Variants in PLEKHG1 observed in about 807,000 individuals in gnomAD.
PLEKHG1 encodes pleckstrin homology domain-containing family G member 1.
Under a neutral mutation model 100.8 loss-of-function variants are expected in PLEKHG1, and 44 were observed. The observed-to-expected ratio is 0.44, with a 90% CI of 0.34 to 0.56. The LOEUF is 0.56. Ranked by LOEUF, PLEKHG1 falls within the 20% of genes least tolerant of loss-of-function variation. PLEKHG1 has a pLI of 0.01. For synonymous variants in PLEKHG1, 640 were observed against 662.5 expected (o/e 0.97, Z 0.52); for missense variants, 1,545 against 1,720.9 (o/e 0.90, Z 1.81).
At chr6:150,775,026 T>C (rs761642423) in intron 3 of PLEKHG1, among the ~76,000 whole-genome samples, 3 of 152,172 alleles carry the variant, frequency 2.0e-5, no homozygotes, top group African/African-American at 4.8e-5. Context: ...TGGAATACAA[T>C]TGAAATTTTA....
intron 1 of PLEKHG1, among the ~76,000 whole-genome samples, chr6:150,730,681 T>C (rs1782201768): frequency 6.6e-6 from 1 of 152,094 alleles, no homozygotes; most frequent in Non-Finnish European, 1.5e-5. Flanking sequence ...GGTGGGTGGA[T>C]CACCTGCGGT....
At chr6:150,819,045 A>G (rs966453254) in intron 11 of PLEKHG1, among the ~76,000 whole-genome samples, 2 of 151,980 alleles carry the variant, frequency 1.3e-5, no homozygotes, top group Admixed American at 6.6e-5. Flanking sequence ...AATGATGCCC[A>G]GAGCTCCCCA....
intron 10 of PLEKHG1, among the ~76,000 whole-genome samples, chr6:150,812,875 A>C (rs1184941038): frequency 6.6e-6 from 1 of 152,128 alleles, no homozygotes; most frequent in Non-Finnish European, 1.5e-5. Flanking sequence ...GGAGAAAAAG[A>C]TGAAAGACAG....
chr6:150,664,254 C>T (rs1779315426), intron 3 of PLEKHG1: 1 of 152,196 alleles, frequency 6.6e-6, no homozygotes, highest in South Asian at 2.1e-4. Context: ...ACATATTGTC[C>T]CTTCTTTTGA....
chr6:150,840,182 A>C (rs1777447954), exon 16 of PLEKHG1: 1 of 1,614,102 alleles, frequency 6.2e-7, no homozygotes, highest in Admixed American at 1.7e-5. Flanking sequence ...GCAGCGTGGT[A>C]GTAAGTCAGC....
chr6:150,797,891 T>A, intron 5 of PLEKHG1, among the ~76,000 whole-genome samples: 1 of 139,974 alleles, frequency 7.1e-6, no homozygotes, highest in Admixed American at 7.4e-5. Context: ...GCTAGAAGTT[T>A]AGAGGCTCAA....
intron 3 of PLEKHG1, among the ~76,000 whole-genome samples, chr6:150,714,896 C>G (rs1332959433): frequency 6.6e-6 from 1 of 151,954 alleles, no homozygotes; most frequent in Non-Finnish European, 1.5e-5. Flanking sequence ...GCAACCTCCA[C>G]CTCCCAGGTT....
intron 3 of PLEKHG1, among the ~76,000 whole-genome samples, chr6:150,664,729 C>A (rs769381600): frequency 5.3e-5 from 8 of 152,132 alleles, no homozygotes; most frequent in Non-Finnish European, 8.8e-5. Context: ...TCAGCTGACA[C>A]CGCCATCTAG....
exon 2 of PLEKHG1, chr6:150,733,591 C>T (rs897579714): frequency 1.2e-6 from 2 of 1,609,972 alleles, no homozygotes; most frequent in Admixed American, 1.7e-5. Flanking sequence ...TAGATGGGCA[C>T]CAGTTGCGTC....
intron 2 of PLEKHG1, among the ~76,000 whole-genome samples, chr6:150,639,961 G>A (rs1345333687): frequency 1.3e-5 from 2 of 152,230 alleles, no homozygotes; most frequent in Non-Finnish European, 2.9e-5. Flanking sequence ...ACGCAACTCT[G>A]TCATTTTGTA....
At chr6:150,664,380 G>A (rs566095207) in intron 3 of PLEKHG1, 5 of 152,346 alleles carry the variant, frequency 3.3e-5, no homozygotes, top group Admixed American at 2.0e-4. Flanking sequence ...CTCCAGCTAT[G>A]CCATATGACT....
intron 15 of PLEKHG1, among the ~76,000 whole-genome samples, chr6:150,834,575 A>G (rs1361876807): frequency 6.6e-6 from 1 of 152,240 alleles, no homozygotes; most frequent in Non-Finnish European, 1.5e-5. Context: ...ATTAGGGCCT[A>G]CGACTACCTC....
At position 150,600,081 on chromosome 6, in the gene PLEKHG1, G is replaced by C; in HGVS notation, c.-204+64G>C. 1 of 181,106 alleles carries C rather than the reference G, an allele frequency of 5.5e-6. No individual in the cohort carries two copies. 11.2% of individuals were successfully genotyped at this position (181,106 alleles called of 1,614,324 possible). A position where few individuals can be genotyped will look rare whatever the true frequency, so the allele number is the denominator to read the frequency against. On this transcript the variant is annotated intron_variant, in intron 1 of 3. Coordinates refer to the PLEKHG1 transcript ENST00000367326. The surrounding 1 kb of genome is among the most constrained non-coding windows in gnomAD (Gnocchi z 6.2). ...CCAGGGATGGGAGGGGGGACCCGGG[G>C]ACCTCCGGCGGGAGCCCCACATCCG... is the stretch of plus-strand genomic sequence containing the variant.
At chr6:150,667,763 C>T (rs1320030690) in intron 3 of PLEKHG1, among the ~76,000 whole-genome samples, 1 of 152,138 alleles carries the variant, frequency 6.6e-6, no homozygotes, top group Non-Finnish European at 1.5e-5. Context: ...CAGAAGTCTG[C>T]AAATAAATGA....
At chr6:150,650,194 G>C (rs1423067909) in intron 2 of PLEKHG1, among the ~76,000 whole-genome samples, 2 of 152,116 alleles carry the variant, frequency 1.3e-5, no homozygotes, top group Non-Finnish European at 2.9e-5. Flanking sequence ...AAAGTGAGAA[G>C]AACTCAGAGA....
In PLEKHG1 at chr6:150,684,716, G is replaced by C. The variant is rs150329728; in HGVS notation, c.-99+33930G>C. On this transcript the variant is annotated intron_variant, in intron 3 of 3. Coordinates refer to the PLEKHG1 transcript ENST00000367326. ...AGATTTTTAATAGCCTTCATACCGAGTCCTTTAGATGTGTTTCTTTTCTCA... is the reference window on the plus strand; with the variant it reads ...AGATTTTTAATAGCCTTCATACCGACTCCTTTAGATGTGTTTCTTTTCTCA... 7.2e-5 allele frequency among the ~76,000 whole-genome samples: 11 copies of C among 152,002 alleles called. No individual in the cohort carries two copies. In the East Asian group the frequency reaches 1.2e-3, roughly 16 times the overall value.
At chr6:150,811,286 T>A (rs368563960) in intron 10 of PLEKHG1, among the ~76,000 whole-genome samples, 1 of 150,946 alleles carries the variant, frequency 6.6e-6, no homozygotes. Flanking sequence ...TTTTTTTTTT[T>A]AAAGACAGGA....
chr6:150,786,064 G>C (rs1311469495), intron 3 of PLEKHG1, among the ~76,000 whole-genome samples: 9 of 151,694 alleles, frequency 5.9e-5, no homozygotes, highest in Non-Finnish European at 1.3e-4. Context: ...CACTGTACCT[G>C]GTACCTAGGC....
intron 1 of PLEKHG1, among the ~76,000 whole-genome samples, chr6:150,725,975 G>A (rs970200532): frequency 1.3e-5 from 2 of 152,128 alleles, no homozygotes; most frequent in East Asian, 1.9e-4. Context: ...CAAGATGGAT[G>A]AACCTGGAGC....
Sources: allele counts gnomAD v4.1 joint callset (sites outside exome capture counted in the v4.1 genomes callset), GRCh38; gene constraint gnomAD v4.1.1; non-coding constraint Gnocchi (gnomAD v3.1); transcripts MANE v1.5; gene names NCBI Gene and HGNC (gene_info 2026-07-23, HGNC 2026-07-21).